Variants in OASL observed in about 807,000 individuals in gnomAD.
The protein encoded by OASL is 2'-5'-oligoadenylate synthase-like protein.
In OASL, 28 loss-of-function variants were observed where a neutral mutation model predicts 35.3. That is an observed-to-expected ratio of 0.79 (90% CI 0.59 to 1.09). The LOEUF (loss-of-function observed/expected upper bound fraction) is 1.09, where lower values mean the gene tolerates loss of function less well. Among genes scored for constraint, OASL ranks in the 50% least tolerant of loss-of-function variants. The pLI, the probability that OASL is intolerant of heterozygous loss-of-function variation, is 0.00. For synonymous variants in OASL, 252 were observed against 254.6 expected (o/e 0.99, Z 0.10); for missense variants, 620 against 635.2 (o/e 0.98, Z 0.26).
chr12:121,037,448 TGGG>T (rs1036378779), intron 1 of OASL, among the ~76,000 whole-genome samples: 3 of 152,164 alleles, frequency 2.0e-5, no homozygotes, highest in African/African-American at 7.2e-5. Context: ...TGTGTGACCT[TGGG>T]CAAGTCACCT....
At chr12:121,023,717 C>A (rs147090246) in intron 5 of OASL, 21 of 344,192 alleles carry the variant, frequency 6.1e-5, no homozygotes, top group African/African-American at 3.3e-4. Flanking sequence ...CCAACTCACG[C>A]AAAGAATGAT....
intron 1 of OASL, among the ~76,000 whole-genome samples, chr12:121,035,884 G>A (rs914852880): frequency 3.9e-5 from 6 of 152,130 alleles, no homozygotes; most frequent in African/African-American, 9.7e-5. Context: ...TTGAGACAGG[G>A]TCTTGCTCTG....
intron 1 of OASL, among the ~76,000 whole-genome samples, chr12:121,036,259 T>G (rs182585699): frequency 6.6e-6 from 1 of 152,276 alleles, no homozygotes. Context: ...GTTTTAAACC[T>G]ATTTAAGCAC....
At chr12:121,028,798 C>T (rs1390205778) in intron 3 of OASL, among the ~76,000 whole-genome samples, 1 of 152,148 alleles carries the variant, frequency 6.6e-6, no homozygotes, top group Non-Finnish European at 1.5e-5. Context: ...GGCGCAGTGC[C>T]TCCCGCCCGT....
chr12:121,022,620 A>G (rs1367645241), intron 5 of OASL, among the ~76,000 whole-genome samples: 1 of 152,122 alleles, frequency 6.6e-6, no homozygotes, highest in African/African-American at 2.4e-5. Flanking sequence ...TTTATACTCT[A>G]TGTACCTTAC....
chr12:121,027,797 G>A, exon 4 of OASL: 1 of 1,613,842 alleles, frequency 6.2e-7, no homozygotes, highest in African/African-American at 1.3e-5. Context: ...GATTGGCTCT[G>A]GGGGACCTGG....
chr12:121,020,859 T>C (rs1869202420), exon 6 of OASL: 1 of 1,614,148 alleles, frequency 6.2e-7, no homozygotes, highest in Non-Finnish European at 8.5e-7. Flanking sequence ...GAAGATCCCA[T>C]ATTTGGCTAA....
chr12:121,030,109 A>C (rs1266781014), intron 3 of OASL, among the ~76,000 whole-genome samples: 1 of 152,208 alleles, frequency 6.6e-6, no homozygotes, highest in African/African-American at 2.4e-5. Context: ...CCTTGGGCTC[A>C]AGTGATCCTC....
intron 1 of OASL, among the ~76,000 whole-genome samples, chr12:121,037,379 A>C (rs1424397547): frequency 1.3e-5 from 2 of 151,972 alleles, no homozygotes; most frequent in African/African-American, 2.4e-5. Context: ...GCTTGGGGGA[A>C]AATCTCAGTG....
chr12:121,021,753 G>A (rs1447135491), intron 5 of OASL, among the ~76,000 whole-genome samples: 1 of 152,200 alleles, frequency 6.6e-6, no homozygotes, highest in Non-Finnish European at 1.5e-5. Context: ...GGAGGTTGCA[G>A]TGAGCTGAGA....
intron 1 of OASL, among the ~76,000 whole-genome samples, chr12:121,033,970 CT>C (rs1395542747): frequency 6.6e-6 from 1 of 152,122 alleles, no homozygotes; most frequent in Admixed American, 6.6e-5. Flanking sequence ...TGACACTTCC[CT>C]GTTTCTTAGC....
At chr12:121,020,912 C>A in exon 6 of OASL, 2 of 1,614,212 alleles carry the variant, frequency 1.2e-6, no homozygotes, top group Non-Finnish European at 1.7e-6. Context: ...TGCCAGGAAC[C>A]TGGAAGGACA....
At chr12:121,031,117 G>A (rs993874706) in intron 3 of OASL, among the ~76,000 whole-genome samples, 6 of 151,828 alleles carry the variant, frequency 4.0e-5, no homozygotes, top group Non-Finnish European at 7.4e-5. Flanking sequence ...TTGCACCACC[G>A]CACTACAGCC....
At chr12:121,025,273 G>C (rs1389143943) in intron 4 of OASL, among the ~76,000 whole-genome samples, 4 of 151,952 alleles carry the variant, frequency 2.6e-5, no homozygotes, top group Admixed American at 6.6e-5. Flanking sequence ...ACCGGTGCCC[G>C]GCCTAGATTG....
intron 4 of OASL, among the ~76,000 whole-genome samples, chr12:121,026,121 A>T (rs568211347): frequency 1.3e-5 from 2 of 152,180 alleles, no homozygotes; most frequent in South Asian, 4.1e-4. Context: ...GGCAGAGGGG[A>T]GCCGGACAGG....
chr12:121,036,485 C>T (rs562580584), intron 1 of OASL, among the ~76,000 whole-genome samples: 8 of 152,202 alleles, frequency 5.3e-5, no homozygotes, highest in Non-Finnish European at 7.4e-5. Flanking sequence ...CATTTCCTGC[C>T]GTAAAAACTC....
At chr12:121,029,212 C>G (rs1286542477) in intron 3 of OASL, among the ~76,000 whole-genome samples, 1 of 151,816 alleles carries the variant, frequency 6.6e-6, no homozygotes, top group Non-Finnish European at 1.5e-5. Context: ...AATATTAGCT[C>G]CCATCCCAAA....
exon 1 of OASL, chr12:121,038,935 A>T: frequency 6.2e-7 from 1 of 1,614,144 alleles, no homozygotes; most frequent in Non-Finnish European, 8.5e-7. Context: ...TCCAGCCTGG[A>T]GGCTGGTGTG....
rs140478455 is a variant in OASL, at chr12:121,030,651, C to T, written c.657+791G>A. ...TTATCTCGGAGGAAGATTTTGTTTC[C>T]AAAACTGACTGAGCTGCTGCCTGAG... On this transcript the variant is annotated intron_variant, in intron 3 of 5. Transcript: ENST00000257570. Among the ~76,000 whole-genome samples the T allele has an allele frequency of 3.6e-3, 543 of 152,082 alleles. 2 individuals carry two copies. Among genetic ancestry groups the T allele is most frequent in the Non-Finnish European group, 6.0e-3 (405 of 67,998 alleles).
Sources: allele counts gnomAD v4.1 joint callset (sites outside exome capture counted in the v4.1 genomes callset), GRCh38; gene constraint gnomAD v4.1.1; transcripts MANE v1.5; gene names NCBI Gene and HGNC (gene_info 2026-07-23, HGNC 2026-07-21).